Variants in LPP observed in about 807,000 individuals in gnomAD.
The protein encoded by LPP is lipoma-preferred partner.
A neutral mutation model predicts 60.4 loss-of-function variants in LPP; 38 were observed. The ratio of observed to expected loss-of-function variants is 0.63; its 90% CI spans 0.49 to 0.83. The LOEUF (loss-of-function observed/expected upper bound fraction) is 0.83. Among genes scored for constraint, LPP ranks in the 40% least tolerant of loss-of-function variants. The pLI, the probability that LPP is intolerant of heterozygous loss-of-function variation, is 0.00. For missense variants in LPP, 902 were observed against 783.6 expected (o/e 1.15, Z -1.80); for synonymous variants, 328 against 290.8 (o/e 1.13, Z -1.30).
chr3:188,310,382 C>T (rs1416480559), intron 2 of LPP, among the ~76,000 whole-genome samples: 6 of 151,848 alleles, frequency 4.0e-5, no homozygotes, highest in East Asian at 3.9e-4. Flanking sequence ...CAAGGATGCC[C>T]GGTTGATGAG....
chr3:188,728,406 C>G (rs1302917895), intron 8 of LPP, among the ~76,000 whole-genome samples: 1 of 152,108 alleles, frequency 6.6e-6, no homozygotes, highest in Non-Finnish European at 1.5e-5. Flanking sequence ...TTGTTTATTC[C>G]TTAAAACTGC....
intron 7 of LPP, among the ~76,000 whole-genome samples, chr3:188,624,740 C>CCTTTCT (rs1331892778): frequency 1.5e-5 from 2 of 136,740 alleles, no homozygotes; most frequent in Non-Finnish European, 1.6e-5. Context: ...TTTCCCTTTC[C>CCTTTCT]CTTCCCTTCC....
At chr3:188,607,370 G>GAGATATAT (rs1423303782) in intron 6 of LPP, among the ~76,000 whole-genome samples, 2 of 102,732 alleles carry the variant, frequency 1.9e-5, no homozygotes, top group African/African-American at 7.2e-5. Context: ...GAAAATAGAA[G>GAGATATAT]ATATATATAT....
At chr3:188,871,808 T>C (rs1381225730) in intron 10 of LPP, among the ~76,000 whole-genome samples, 3 of 152,056 alleles carry the variant, frequency 2.0e-5, no homozygotes, top group African/African-American at 4.8e-5. Context: ...TAACCTGTCA[T>C]AGAAAAAAAA....
At chr3:188,804,241 CTTTATA>C (rs1303725512) in intron 9 of LPP, among the ~76,000 whole-genome samples, 37 of 16,796 alleles carry the variant, frequency 2.2e-3, no homozygotes, top group African/African-American at 9.1e-3. Flanking sequence ...TGTAGTGCAT[CTTTATA>C]TATATATATA....
intron 1 of LPP, among the ~76,000 whole-genome samples, chr3:188,205,891 C>T (rs1560109732): frequency 1.3e-5 from 2 of 152,302 alleles, no homozygotes; most frequent in South Asian, 4.1e-4. Flanking sequence ...TAGAGCCAAC[C>T]TGAGTCGCTC....
chr3:188,354,836 G>GACACACACACACACAC (rs59234691), intron 3 of LPP, among the ~76,000 whole-genome samples: 10 of 151,546 alleles, frequency 6.6e-5, no homozygotes, highest in African/African-American at 1.9e-4. Flanking sequence ...CACACACACA[G>GACACACACACACACAC]ACACACACAC....
At chr3:188,837,178 G>A (rs911013498) in intron 9 of LPP, among the ~76,000 whole-genome samples, 2 of 151,882 alleles carry the variant, frequency 1.3e-5, no homozygotes, top group African/African-American at 4.8e-5. Flanking sequence ...TCAGGAGTTC[G>A]AGACCAGCCT....
At chr3:188,239,911 A>C (rs73059617) in intron 2 of LPP, 2,813 of 205,804 alleles carry the variant, frequency 0.014, 75 homozygotes, top group African/African-American at 0.057. Flanking sequence ...CCTCTAGGGT[A>C]GGATATCAAA....
At chr3:188,309,819 T>A (rs1191249267) in intron 2 of LPP, among the ~76,000 whole-genome samples, 1 of 151,686 alleles carries the variant, frequency 6.6e-6, no homozygotes, top group African/African-American at 2.4e-5. Context: ...AACAACAAAG[T>A]TGAATATTAG....
chr3:188,404,875 G>T (rs1476752272), intron 3 of LPP, among the ~76,000 whole-genome samples: 1 of 152,184 alleles, frequency 6.6e-6, no homozygotes, highest in Non-Finnish European at 1.5e-5. Context: ...TTGCAATCAG[G>T]CTTGGAGAGC....
At chr3:188,220,856 T>G (rs1225514053) in intron 1 of LPP, among the ~76,000 whole-genome samples, 1 of 152,178 alleles carries the variant, frequency 6.6e-6, no homozygotes, top group Non-Finnish European at 1.5e-5. Context: ...GAAAGCCACC[T>G]GCCCCCCGAC....
intron 4 of LPP, among the ~76,000 whole-genome samples, chr3:188,458,199 T>C (rs1246395697): frequency 2.6e-5 from 4 of 152,270 alleles, no homozygotes; most frequent in Non-Finnish European, 5.9e-5. Flanking sequence ...GAAGAGATAA[T>C]TGAAGGAGAA....
At chr3:188,411,883 C>T (rs2148929985) in intron 4 of LPP, among the ~76,000 whole-genome samples, 1 of 152,260 alleles carries the variant, frequency 6.6e-6, no homozygotes, top group South Asian at 2.1e-4. Flanking sequence ...CTTACTAATA[C>T]ACTCTGGGGA....
rs1175772241 is a variant in LPP, at chr3:188,687,797, T to C, written c.1114-20470T>C. Among the ~76,000 whole-genome samples the C allele has an allele frequency of 7.1e-5, 10 of 141,708 alleles. No homozygotes were observed. In the East Asian group the frequency reaches 9.8e-4, roughly 14 times the overall value. 93.0% of individuals were successfully genotyped at this position (141,708 alleles called of 152,430 possible). ...ACTCTTTTTTTTTTTTTTTTTGAGA[T>C]GAAGTCTCGCTCTGTCGCCCAGGCT... On this transcript the variant is annotated intron_variant, in intron 7 of 11. Coordinates refer to ENST00000617246, the MANE Select transcript of LPP (RefSeq NM_001375462.1).
chr3:188,390,586 A>C (rs1465748612), intron 3 of LPP, among the ~76,000 whole-genome samples: 1 of 151,094 alleles, frequency 6.6e-6, no homozygotes, highest in Non-Finnish European at 1.5e-5. Context: ...ACCGGGTGCC[A>C]GAACTGGGTT....
chr3:188,721,240 C>T lies in LPP; in HGVS notation c.1240+12847C>T, dbSNP rs995598879. 2.8e-4 allele frequency among the ~76,000 whole-genome samples: 42 copies of T among 151,966 alleles called. 1 individual carries two copies. The highest frequency in any genetic ancestry group is 2.2e-3 in the Admixed American group (34 of 15,258). On this transcript the variant is annotated intron_variant, in intron 8 of 11. Coordinates refer to ENST00000617246, the MANE Select transcript of LPP (RefSeq NM_001375462.1). ...CTTCTTTCCTGTAAAAGATATTAAACTGAATACTATATTTAAATTTTAAAA... is the reference window on the plus strand; with the variant it reads ...CTTCTTTCCTGTAAAAGATATTAAATTGAATACTATATTTAAATTTTAAAA...
At chr3:188,792,753 A>G (rs1312316562) in intron 9 of LPP, among the ~76,000 whole-genome samples, 1 of 152,178 alleles carries the variant, frequency 6.6e-6, no homozygotes, top group Non-Finnish European at 1.5e-5. Context: ...AGAAGTAAAG[A>G]AAGTAAAATC....
intron 8 of LPP, chr3:188,746,630 C>T (rs1577320126): frequency 1.3e-5 from 6 of 445,784 alleles, no homozygotes; most frequent in South Asian, 5.1e-5. Flanking sequence ...CGTTACTGAG[C>T]GTATCCATTT....
Sources: allele counts gnomAD v4.1 joint callset (sites outside exome capture counted in the v4.1 genomes callset), GRCh38; gene constraint gnomAD v4.1.1; transcripts MANE v1.5; gene names NCBI Gene and HGNC (gene_info 2026-07-23, HGNC 2026-07-21).